The following HECTD2 variants were observed in gnomAD, a reference collection of about 807,000 sequenced individuals.
The protein encoded by HECTD2 is HECT domain E3 ubiquitin protein ligase 2.
Under a neutral mutation model 103.2 loss-of-function variants are expected in HECTD2, and 35 were observed. The ratio of observed to expected loss-of-function variants is 0.34; its 90% CI spans 0.26 to 0.45. The LOEUF (loss-of-function observed/expected upper bound fraction) is 0.45, where lower values mean the gene tolerates loss of function less well. Ranked by LOEUF, HECTD2 falls within the 20% of genes least tolerant of loss-of-function variation. The pLI is 1.00. For synonymous variants in HECTD2, 281 were observed against 329.9 expected (o/e 0.85, Z 1.61); for missense variants, 596 against 937.4 (o/e 0.64, Z 4.76).
chr10:91,476,262 C>A (rs554530898), intron 5 of HECTD2, among the ~76,000 whole-genome samples: 16 of 152,302 alleles, frequency 1.1e-4, no homozygotes, highest in African/African-American at 3.6e-4. Context: ...AGTGCAGTTG[C>A]AGGCAAATTG....
intron 20 of HECTD2, among the ~76,000 whole-genome samples, chr10:91,505,417 G>A (rs1280698582): frequency 6.6e-6 from 1 of 152,104 alleles, no homozygotes; most frequent in East Asian, 1.9e-4. Context: ...AAAATAAAGG[G>A]ATGGAGGAAG....
intron 4 of HECTD2, 149 bp from the exon 5 acceptor site, chr10:91,461,946 T>C (rs1330067141): frequency 1.7e-6 from 1 of 598,358 alleles, no homozygotes; most frequent in Non-Finnish European, 2.8e-6. Context: ...GTACATTTCT[T>C]TTTATTTTCA....
At chr10:91,421,538 A>C (rs891986196) in intron 1 of HECTD2, among the ~76,000 whole-genome samples, 1 of 152,232 alleles carries the variant, frequency 6.6e-6, no homozygotes, top group African/African-American at 2.4e-5. Flanking sequence ...TGTTTTAAGA[A>C]AGTTTATGAA....
In HECTD2 at chr10:91,478,270, AC is replaced by A. The variant is rs1564727030; in HGVS notation, c.665+6del. 2 of 1,558,856 alleles carry A rather than the reference AC, an allele frequency of 1.3e-6. No individual in the cohort carries two copies. Among genetic ancestry groups the A allele is most frequent in the South Asian group, 2.2e-5 (2 of 89,962 alleles). ...CCTGTTACGAGAATGGAAAGGGTAA[AC>A]TAATATTTTCAATATTTAGCTAATC... On this transcript the variant is annotated splice_donor_region_variant and intron_variant, in intron 6 of 20. Transcript: ENST00000298068.
At chr10:91,421,499 A>G (rs901172937) in intron 1 of HECTD2, among the ~76,000 whole-genome samples, 6 of 152,222 alleles carry the variant, frequency 3.9e-5, no homozygotes, top group Non-Finnish European at 8.8e-5. Context: ...GATGAGCTAA[A>G]AAGAAAAAAT....
intron 2 of HECTD2, among the ~76,000 whole-genome samples, chr10:91,458,455 C>T (rs1337784591): frequency 1.3e-5 from 2 of 151,730 alleles, no homozygotes; most frequent in Non-Finnish European, 2.9e-5. Flanking sequence ...CCTGGAAAGG[C>T]GGAAGAACTG....
chr10:91,462,862 T>C, intron 5 of HECTD2: 1 of 602,298 alleles, frequency 1.7e-6, no homozygotes, highest in Non-Finnish European at 2.1e-6. Context: ...TACTGTATCC[T>C]TTTAGGTACC....
At chr10:91,465,843 G>A (rs1421441250) in intron 5 of HECTD2, among the ~76,000 whole-genome samples, 2 of 151,978 alleles carry the variant, frequency 1.3e-5, no homozygotes, top group Non-Finnish European at 2.9e-5. Context: ...CTAATATTTT[G>A]TTGAGGATTT....
intron 20 of HECTD2, among the ~76,000 whole-genome samples, chr10:91,502,254 G>GGCT (rs1427993107): frequency 6.6e-6 from 1 of 152,108 alleles, no homozygotes; most frequent in Non-Finnish European, 1.5e-5. Flanking sequence ...TTAGTCAACA[G>GGCT]GCTGTTTGCT....
chr10:91,430,581 T>A (rs1056164941), intron 2 of HECTD2, among the ~76,000 whole-genome samples: 28 of 152,330 alleles, frequency 1.8e-4, no homozygotes, highest in Non-Finnish European at 3.4e-4. Context: ...GGTGCATATA[T>A]ATTTAGGATA....
At chr10:91,412,008 TA>T (rs1303713866) in intron 1 of HECTD2, among the ~76,000 whole-genome samples, 1 of 105,558 alleles carries the variant, frequency 9.5e-6, no homozygotes, top group East Asian at 2.3e-4. Context: ...ATTCATCTCA[TA>T]ACTGAAAAAT....
At chr10:91,410,149 C>A (rs1842850058), upstream of HECTD2, 2 of 151,946 alleles carry the variant, frequency 1.3e-5, no homozygotes, top group Non-Finnish European at 2.9e-5. Flanking sequence ...AGGGGGACTA[C>A]CGCCGGCGCT....
intron 2 of HECTD2, among the ~76,000 whole-genome samples, chr10:91,434,734 A>G (rs1313289223): frequency 3.3e-5 from 5 of 151,886 alleles, no homozygotes; most frequent in East Asian, 1.9e-4. Flanking sequence ...GCATTGTTCA[A>G]TAGTGGGAAT....
chr10:91,431,836 T>G (rs1843890428), intron 2 of HECTD2, among the ~76,000 whole-genome samples: 1 of 152,110 alleles, frequency 6.6e-6, no homozygotes. Flanking sequence ...TTTCCTCCTG[T>G]AGCTCGGAGT....
At chr10:91,444,920 G>A (rs377574287) in intron 2 of HECTD2, among the ~76,000 whole-genome samples, 63 of 152,194 alleles carry the variant, frequency 4.1e-4, no homozygotes, top group African/African-American at 1.3e-3. Flanking sequence ...AGCAGTAATC[G>A]TTTTCCCTTT....
At chr10:91,507,376 C>T (rs1847231246) in intron 20 of HECTD2, among the ~76,000 whole-genome samples, 1 of 151,296 alleles carries the variant, frequency 6.6e-6, no homozygotes, top group Non-Finnish European at 1.5e-5. Flanking sequence ...CTAGAAAACC[C>T]CATTGTCTCA....
chr10:91,505,100 C>T (rs1487536679), intron 20 of HECTD2, among the ~76,000 whole-genome samples: 18 of 151,512 alleles, frequency 1.2e-4, no homozygotes, highest in Admixed American at 2.6e-4. Context: ...CCAGGCCTGC[C>T]CTAAAAGAGC....
intron 5 of HECTD2, among the ~76,000 whole-genome samples, chr10:91,474,055 G>C (rs866926639): frequency 6.6e-6 from 1 of 152,278 alleles, no homozygotes; most frequent in Middle Eastern, 3.4e-3. Flanking sequence ...AGTAGAGGAA[G>C]CTTATTGGAA....
At chr10:91,495,979 T>C (rs1035793006) in intron 14 of HECTD2, among the ~76,000 whole-genome samples, 2 of 152,146 alleles carry the variant, frequency 1.3e-5, no homozygotes, top group South Asian at 2.1e-4. Flanking sequence ...TCTAGGGAAA[T>C]CATTGAATAC....
Sources: gnomAD v4.1 joint callset for allele counts (sites outside exome capture counted in the v4.1 genomes callset) on GRCh38, gnomAD v4.1.1 for gene constraint, MANE v1.5 for transcripts, NCBI Gene and HGNC (gene_info 2026-07-23, HGNC 2026-07-21) for gene names.